The following EXOC3L2 variants were observed in gnomAD, a reference collection of about 807,000 sequenced individuals.
The protein encoded by EXOC3L2 is exocyst complex component 3-like protein 2.
In EXOC3L2, 17 loss-of-function variants were observed where a neutral mutation model predicts 44.4. The ratio of observed to expected loss-of-function variants is 0.38; its 90% CI spans 0.26 to 0.57. EXOC3L2 has a LOEUF of 0.57. Among genes scored for constraint, EXOC3L2 ranks in the 20% least tolerant of loss-of-function variants. EXOC3L2 has a pLI of 0.65. For missense variants in EXOC3L2, 541 were observed against 588.4 expected, an observed-to-expected ratio of 0.92 and a Z score of 0.83; for synonymous variants, 256 against 253.7, an observed-to-expected ratio of 1.01 and a Z score of -0.09.
At chr19:45,237,152 G>A (rs1230880851) in intron 2 of EXOC3L2, among the ~76,000 whole-genome samples, 1 of 152,026 alleles carries the variant, frequency 6.6e-6, no homozygotes, top group Non-Finnish European at 1.5e-5. Context: ...GATATGAAAC[G>A]GGGCTGGACC....
chr19:45,234,212 G>A lies in EXOC3L2; in HGVS notation c.1138C>T (p.His380Tyr), dbSNP rs1476671909. The change falls in exon 3 of 12, where the codon CAC (histidine) becomes TAC (tyrosine). Residue 380 changes from histidine (H) to tyrosine (Y), a missense_variant. By Grantham distance (83) the His-to-Tyr change is moderately conservative. Transcript: ENST00000413988. The surrounding 1 kb of genome is among the most constrained non-coding windows in gnomAD (Gnocchi z 5.0). The stretch of plus-strand genomic sequence containing the variant: ...GCTTACCTGGGGTAGACCTGATTGT[G>A]CCAGTGCAGCAGCGCGTAGCGGTCG... Reference protein sequence around the residue: ...LADRYALLHWHNQVYPREVLG... With the variant: ...LADRYALLHWYNQVYPREVLG... The A allele has an allele frequency of 2.5e-6, 1 of 397,126 alleles. No homozygotes were observed. The highest frequency in any genetic ancestry group is 4.4e-6 in the Non-Finnish European group (1 of 225,130). 24.6% of individuals were successfully genotyped at this position (397,126 alleles called of 1,614,324 possible). A position where few individuals can be genotyped will look rare whatever the true frequency, so the allele number is the denominator to read the frequency against.
At chr19:45,231,711 A>AC (rs1175808883) in intron 4 of EXOC3L2, 52 bp downstream of exon 4, 3 of 1,493,164 alleles carry the variant, frequency 2.0e-6, no homozygotes, top group East Asian at 4.6e-5. Context: ...GCCCACTGTG[A>AC]CCCCCTCCCT....
chr19:45,215,333 T>C (rs925894543), intron 11 of EXOC3L2, among the ~76,000 whole-genome samples: 1 of 151,882 alleles, frequency 6.6e-6, no homozygotes, highest in African/African-American at 2.4e-5. Context: ...TAGCTGGGCA[T>C]TGTGGTGCAT....
Position 45,234,844 on chromosome 19 carries a change from G to T in EXOC3L2, c.524-18C>A. On this transcript the variant is annotated intron_variant, in intron 2 of 11. Transcript: ENST00000413988. The surrounding 1 kb of genome is among the most constrained non-coding windows in gnomAD (Gnocchi z 5.0). ...CTCCAGCACTGCGGGAGCAAAGCGG[G>T]AGGTCAGCAGTGCGCGGGGGGGAGG... The T allele has an allele frequency of 2.6e-6, 1 of 391,876 alleles. No homozygotes were observed. The highest frequency in any genetic ancestry group is 3.6e-5 in the East Asian group (1 of 27,566). 24.3% of individuals were successfully genotyped at this position (391,876 alleles called of 1,614,324 possible).
At chr19:45,240,286 T>A (rs368254) in intron 1 of EXOC3L2, among the ~76,000 whole-genome samples, 79,704 of 146,738 alleles carry the variant, frequency 0.54, 22,020 homozygotes, top group Non-Finnish European at 0.59. Context: ...TTAATTAATT[T>A]ATTTATTTAT....
chr19:45,233,761 C>T (rs1970054002), intron 3 of EXOC3L2, among the ~76,000 whole-genome samples: 1 of 152,028 alleles, frequency 6.6e-6, no homozygotes, highest in Non-Finnish European at 1.5e-5. Context: ...GTCGATGATG[C>T]TAAGGTTGTA....
chr19:45,219,584 A>T (rs115726531), intron 8 of EXOC3L2, among the ~76,000 whole-genome samples: 1,987 of 152,154 alleles, frequency 0.013, 37 homozygotes, highest in African/African-American at 0.043. Flanking sequence ...CTCAGTTAAT[A>T]ACATCCTCCT....
rs1162793363 is a variant in EXOC3L2, at chr19:45,212,879, C to T, written c.*190G>A. 6.7e-6 allele frequency: 4 copies of T among 597,008 alleles called. No homozygotes were observed. In the African/African-American group the frequency reaches 7.8e-5, roughly 12 times the overall value. 37.0% of individuals were successfully genotyped at this position (597,008 alleles called of 1,614,324 possible). A position where few individuals can be genotyped will look rare whatever the true frequency, so the allele number is the denominator to read the frequency against. ...CCTCCCAAAGTGTTGGGATTACAGGCATGAGCCACCGTGCCTGGCGTTTGT... is the reference window on the plus strand; with the variant it reads ...CCTCCCAAAGTGTTGGGATTACAGGTATGAGCCACCGTGCCTGGCGTTTGT... On this transcript the variant is annotated 3_prime_UTR_variant, in exon 12 of 12. Transcript: ENST00000413988.
chr19:45,231,852 T>C lies in EXOC3L2; in HGVS notation c.1180A>G (p.Met394Val). Residue 394 changes from methionine to valine, a missense_variant, in exon 4 of 12, where the codon ATG becomes GTG. Coordinates refer to ENST00000413988, the MANE Select transcript of EXOC3L2 (RefSeq NM_001382422.1). ...YPREVLGLVD[M>V]AALENGELGP... ...AGCTCCCCATTCTCCAGGGCGGCCATGTCCACCAGCCCTAGGACCTCTCTG... is the reference window on the plus strand; with the variant it reads ...AGCTCCCCATTCTCCAGGGCGGCCACGTCCACCAGCCCTAGGACCTCTCTG... 5.6e-6 allele frequency: 9 copies of C among 1,608,420 alleles called. No homozygotes were observed. The highest frequency in any genetic ancestry group is 7.7e-6 in the Non-Finnish European group (9 of 1,175,516).
At chr19:45,214,001 C>G (rs1047532368) in intron 11 of EXOC3L2, among the ~76,000 whole-genome samples, 1 of 151,892 alleles carries the variant, frequency 6.6e-6, no homozygotes, top group African/African-American at 2.4e-5. Flanking sequence ...CCCCTAAATC[C>G]TCAGCCCTAG....
intron 6 of EXOC3L2, 46 bp downstream of exon 6, chr19:45,227,928 T>C: frequency 1.3e-6 from 2 of 1,591,618 alleles, no homozygotes; most frequent in Non-Finnish European, 1.7e-6. Flanking sequence ...CAGGCCCTGA[T>C]GCCCAACCCC....
chr19:45,222,891 C>A (rs186531134), intron 8 of EXOC3L2, among the ~76,000 whole-genome samples: 3 of 152,110 alleles, frequency 2.0e-5, no homozygotes, highest in Non-Finnish European at 2.9e-5. Context: ...TTAAACGAGC[C>A]GATACTCTCA....
At chr19:45,216,001 G>A in intron 11 of EXOC3L2, 72 bp downstream of exon 11, 1 of 1,589,986 alleles carries the variant, frequency 6.3e-7, no homozygotes, top group Non-Finnish European at 8.6e-7. Flanking sequence ...AGGAAGCACA[G>A]GGACGGATGC....
At chr19:45,228,399 A>G (rs2122975991) in intron 4 of EXOC3L2, 133 bp from the exon 5 acceptor site, 1 of 741,686 alleles carries the variant, frequency 1.3e-6, no homozygotes, top group South Asian at 1.9e-5. Flanking sequence ...GAGCTTGTCA[A>G]GGTGATGCTG....
intron 6 of EXOC3L2, 40 bp from the exon 7 acceptor site, chr19:45,227,812 C>G: frequency 6.3e-7 from 1 of 1,581,278 alleles, no homozygotes; most frequent in Non-Finnish European, 8.6e-7. Context: ...GCCACTGGGT[C>G]AGGGTCCCTC....
intron 2 of EXOC3L2, among the ~76,000 whole-genome samples, chr19:45,237,625 T>C (rs1970095290): frequency 6.6e-6 from 1 of 151,964 alleles, no homozygotes; most frequent in African/African-American, 2.4e-5. Flanking sequence ...GAAAAGGCAC[T>C]GAGGAAGACA....
intron 11 of EXOC3L2, among the ~76,000 whole-genome samples, chr19:45,215,716 C>T (rs1969825230): frequency 6.6e-6 from 1 of 152,170 alleles, no homozygotes; most frequent in Non-Finnish European, 1.5e-5. Context: ...GCCGCCTGCG[C>T]CTGCCGCTGT....
intron 6 of EXOC3L2, 99 bp downstream of exon 6, chr19:45,227,875 C>T (rs1334711857): frequency 3.3e-6 from 5 of 1,505,344 alleles, no homozygotes; most frequent in Non-Finnish European, 4.5e-6. Context: ...CTCTACCTGT[C>T]CTCAGGTGAC....
In EXOC3L2 at chr19:45,228,042, G is replaced by A. The variant is rs755627368; in HGVS notation, c.1404C>T (p.Arg468=). 1.4e-5 allele frequency: 22 copies of A among 1,614,014 alleles called. No homozygotes were observed. The African/African-American group carries it at 2.7e-4, about 20-fold the overall frequency. The change falls in exon 6 of 12, where the codon CGC becomes CGT. Residue 468 remains arginine (R), a synonymous_variant. Coordinates refer to ENST00000413988, the MANE Select transcript of EXOC3L2 (RefSeq NM_001382422.1). ...LLEEHTERAP[R]ISQEFGERMA... is the part of the protein sequence containing the mutation. ...TCCGCTCCCCAAACTCCTGGCTGATGCGGGGTGCTCGCTCTGTGTGCTCTT... is the reference window on the plus strand; with the variant it reads ...TCCGCTCCCCAAACTCCTGGCTGATACGGGGTGCTCGCTCTGTGTGCTCTT...
Sources: allele counts gnomAD v4.1 joint callset (sites outside exome capture counted in the v4.1 genomes callset), GRCh38; gene constraint gnomAD v4.1.1; non-coding constraint Gnocchi (gnomAD v3.1); transcripts MANE v1.5; gene names NCBI Gene and HGNC (gene_info 2026-07-23, HGNC 2026-07-21).